The following CSMD2 variants were observed in gnomAD, a reference collection of about 807,000 sequenced individuals.
CSMD2 encodes the protein CUB and sushi domain-containing protein 2.
In CSMD2, 130 loss-of-function variants were observed where a neutral mutation model predicts 398.5. That is an observed-to-expected ratio of 0.33 (90% CI 0.28 to 0.38). CSMD2 has a LOEUF of 0.38. Among genes scored for constraint, CSMD2 ranks in the 10% least tolerant of loss-of-function variants. CSMD2 has a pLI of 1.00. For missense variants in CSMD2, 3,829 were observed against 4,764.9 expected, an observed-to-expected ratio of 0.80 and a Z score of 5.78; for synonymous variants, 1,828 against 1,908.5, an observed-to-expected ratio of 0.96 and a Z score of 1.10.
chr1:33,715,371 G>A (rs932904177), intron 20 of CSMD2, among the ~76,000 whole-genome samples: 1 of 152,360 alleles, frequency 6.6e-6, no homozygotes, highest in African/African-American at 2.4e-5. Flanking sequence ...ATGACCAGGG[G>A]CATTTATGGG....
At chr1:33,830,151 G>C in intron 6 of CSMD2, among the ~76,000 whole-genome samples, 1 of 152,234 alleles carries the variant, frequency 6.6e-6, no homozygotes, top group Admixed American at 6.5e-5. Flanking sequence ...GCTTTGAAGA[G>C]AGCAGTGGTT....
At chr1:33,915,606 T>A (rs1349129838) in intron 5 of CSMD2, among the ~76,000 whole-genome samples, 1 of 152,124 alleles carries the variant, frequency 6.6e-6, no homozygotes, top group East Asian at 1.9e-4. Flanking sequence ...ACGTGTAGAC[T>A]CACACCTGGA....
At chr1:34,123,558 T>C (rs1007113543) in intron 1 of CSMD2, among the ~76,000 whole-genome samples, 1 of 151,724 alleles carries the variant, frequency 6.6e-6, no homozygotes, top group African/African-American at 2.4e-5. Context: ...TTGAAGCCAA[T>C]TGGTCAGAAG....
At chr1:34,103,290 T>A (rs1660170221) in intron 1 of CSMD2, among the ~76,000 whole-genome samples, 1 of 98,118 alleles carries the variant, frequency 1.0e-5, no homozygotes, top group East Asian at 3.2e-4. Context: ...CTCCTTGAGC[T>A]TTTTTTTTTT....
intron 10 of CSMD2, among the ~76,000 whole-genome samples, chr1:33,801,746 A>T (rs1655631315): frequency 6.6e-6 from 1 of 152,144 alleles, no homozygotes; most frequent in South Asian, 2.1e-4. Context: ...CTGTCTCTCA[A>T]AGGGGGATAG....
chr1:34,124,986 G>T (rs1193295900), intron 1 of CSMD2, among the ~76,000 whole-genome samples: 1 of 152,172 alleles, frequency 6.6e-6, no homozygotes, highest in Non-Finnish European at 1.5e-5. Context: ...CACTCAGGGA[G>T]TCTTACAATG....
chr1:34,061,806 C>T (rs1283454238), intron 2 of CSMD2, among the ~76,000 whole-genome samples: 1 of 152,208 alleles, frequency 6.6e-6, no homozygotes, highest in East Asian at 1.9e-4. Flanking sequence ...CATCATCACA[C>T]ACAAAGGCAC....
chr1:34,010,486 C>T (rs1394990999), intron 3 of CSMD2, among the ~76,000 whole-genome samples: 1 of 152,148 alleles, frequency 6.6e-6, no homozygotes, highest in African/African-American at 2.4e-5. Context: ...ATTTTATAAA[C>T]ATGGAAGCTG....
At chr1:34,058,839 C>T (rs1654151951) in intron 2 of CSMD2, among the ~76,000 whole-genome samples, 1 of 152,156 alleles carries the variant, frequency 6.6e-6, no homozygotes, top group Non-Finnish European at 1.5e-5. Flanking sequence ...TACCACCTGC[C>T]AGACATGAAG....
intron 2 of CSMD2, among the ~76,000 whole-genome samples, chr1:34,055,715 T>A (rs979061456): frequency 6.6e-6 from 1 of 152,222 alleles, no homozygotes; most frequent in African/African-American, 2.4e-5. Flanking sequence ...CCATGTGTTC[T>A]GCTATCTGGA....
chr1:33,954,713 G>C (rs1473079914), intron 3 of CSMD2, among the ~76,000 whole-genome samples: 1 of 152,098 alleles, frequency 6.6e-6, no homozygotes, highest in Non-Finnish European at 1.5e-5. Flanking sequence ...GTCACAAAAA[G>C]AACAAATACT....
intron 4 of CSMD2, among the ~76,000 whole-genome samples, chr1:33,920,542 C>CAAAAAAAAA (rs58865984): frequency 3.6e-5 from 3 of 84,242 alleles, no homozygotes; most frequent in African/African-American, 1.1e-4. Flanking sequence ...CAATCTGTCT[C>CAAAAAAAAA]AAAAAAAAAA....
chr1:33,621,090 C>T (rs1641741179), intron 37 of CSMD2, among the ~76,000 whole-genome samples: 1 of 152,188 alleles, frequency 6.6e-6, no homozygotes, highest in Admixed American at 6.5e-5. Flanking sequence ...TCCCCTTCTG[C>T]AAGGCCTTAC....
Position 33,635,865 on chromosome 1 carries a change from A to G in CSMD2, c.4969+495T>C, listed in dbSNP as rs975099000. 2.6e-5 allele frequency among the ~76,000 whole-genome samples: 4 copies of G among 152,072 alleles called. No individual in the cohort carries two copies. Among genetic ancestry groups the G allele is most frequent in the African/African-American group, 9.7e-5 (4 of 41,394 alleles). On this transcript the variant is annotated intron_variant, in intron 30 of 70. Transcript: ENST00000373381. The surrounding 1 kb of genome is among the most constrained non-coding windows in gnomAD (Gnocchi z 5.0). ...CCTCTCTTACCATGACAAAGGGGGT[A>G]TGCTTGGCTTTTCAATGGGTGGTCA...
intron 1 of CSMD2, among the ~76,000 whole-genome samples, chr1:34,107,250 T>C (rs1660611028): frequency 6.6e-6 from 1 of 152,214 alleles, no homozygotes; most frequent in Non-Finnish European, 1.5e-5. Flanking sequence ...CTCATGAAAG[T>C]TGAGGGCTTA....
chr1:34,145,512 G>C (rs1639685441), intron 1 of CSMD2, among the ~76,000 whole-genome samples: 1 of 152,188 alleles, frequency 6.6e-6, no homozygotes, highest in Non-Finnish European at 1.5e-5. Flanking sequence ...AATTTTTGTA[G>C]GGTAGGTGGG....
intron 16 of CSMD2, 105 bp from the exon 17 acceptor site, chr1:33,725,641 G>A: frequency 1.0e-6 from 1 of 1,001,150 alleles, no homozygotes; most frequent in Admixed American, 2.2e-5. Flanking sequence ...ACCAGATTTT[G>A]GCAGGCTGGG....
chr1:34,008,795 G>C (rs1027973014), intron 3 of CSMD2, among the ~76,000 whole-genome samples: 2 of 152,074 alleles, frequency 1.3e-5, no homozygotes, highest in African/African-American at 4.8e-5. Flanking sequence ...ATGAGGACAG[G>C]GTGTGTGTTG....
At chr1:33,556,530 G>C (rs554406068) in intron 55 of CSMD2, among the ~76,000 whole-genome samples, 1 of 152,276 alleles carries the variant, frequency 6.6e-6, no homozygotes, top group South Asian at 2.1e-4. Context: ...TTGGAAGATG[G>C]GGGAGAGAGA....
Sources: gnomAD v4.1 joint callset for allele counts (sites outside exome capture counted in the v4.1 genomes callset) on GRCh38, gnomAD v4.1.1 for gene constraint, Gnocchi (gnomAD v3.1) non-coding constraint, MANE v1.5 for transcripts, NCBI Gene and HGNC (gene_info 2026-07-23, HGNC 2026-07-21) for gene names.